SUPT3H: variants seen among roughly 807,000 people sequenced by gnomAD.
SUPT3H encodes SPT3 homolog, SAGA and STAGA complex component, also known as transcription initiation protein SPT3 homolog.
SUPT3H carries 44 observed loss-of-function variants against 44.3 expected under a neutral mutation model. That is an observed-to-expected ratio of 0.99 (90% CI 0.78 to 1.28). The LOEUF (loss-of-function observed/expected upper bound fraction) is 1.28, where lower values mean the gene tolerates loss of function less well. Ranked by LOEUF, SUPT3H falls within the 50% of genes most tolerant of loss-of-function variation. The pLI is 0.00. For missense variants in SUPT3H, 380 were observed against 387.1 expected, an observed-to-expected ratio of 0.98 and a Z score of 0.15; for synonymous variants, 124 against 125.6, an observed-to-expected ratio of 0.99 and a Z score of 0.09.
chr6:45,255,611 T>G (rs1247137731), intron 2 of SUPT3H, among the ~76,000 whole-genome samples: 1 of 151,814 alleles, frequency 6.6e-6, no homozygotes, highest in East Asian at 1.9e-4. Context: ...TTTGTAGAAA[T>G]GGGGTCTCAC....
chr6:44,975,852 T>G (rs1333692224), intron 6 of SUPT3H, among the ~76,000 whole-genome samples: 1 of 151,658 alleles, frequency 6.6e-6, no homozygotes, highest in Non-Finnish European at 1.5e-5. Flanking sequence ...AAAGAAAATA[T>G]GAAAAAAGCA....
chr6:45,032,878 A>G (rs1714247400), intron 3 of SUPT3H, among the ~76,000 whole-genome samples: 1 of 152,116 alleles, frequency 6.6e-6, no homozygotes, highest in Non-Finnish European at 1.5e-5. Flanking sequence ...ACTCTCCATT[A>G]ATGTGTGTTA....
intron 3 of SUPT3H, among the ~76,000 whole-genome samples, chr6:45,087,062 A>T (rs1173295039): frequency 1.3e-5 from 2 of 151,994 alleles, no homozygotes; most frequent in African/African-American, 4.8e-5. Flanking sequence ...AAATCAGATT[A>T]AGCTAATTAT....
chr6:45,164,416 C>G (rs1360393169), intron 2 of SUPT3H, among the ~76,000 whole-genome samples: 1 of 152,150 alleles, frequency 6.6e-6, no homozygotes, highest in Admixed American at 6.6e-5. Flanking sequence ...ATTCAGTCAT[C>G]ATGGTGACTT....
chr6:45,303,960 G>C (rs1406020266), intron 2 of SUPT3H, among the ~76,000 whole-genome samples: 1 of 150,068 alleles, frequency 6.7e-6, no homozygotes, highest in Non-Finnish European at 1.5e-5. Context: ...CTGGGCGACA[G>C]AGCAAGACTC....
At chr6:44,858,088 G>C (rs1279201622) in intron 10 of SUPT3H, among the ~76,000 whole-genome samples, 1 of 152,110 alleles carries the variant, frequency 6.6e-6, no homozygotes, top group African/African-American at 2.4e-5. Flanking sequence ...CCTCGCCCAA[G>C]TGCACTAAGT....
At chr6:45,342,737 G>A (rs1014075110) in intron 2 of SUPT3H, among the ~76,000 whole-genome samples, 1 of 147,848 alleles carries the variant, frequency 6.8e-6, no homozygotes, top group African/African-American at 2.5e-5. Context: ...TTAATAGTTT[G>A]CGTTAATGTT....
intron 2 of SUPT3H, among the ~76,000 whole-genome samples, chr6:45,288,766 T>G (rs1437145127): frequency 1.3e-5 from 2 of 151,728 alleles, no homozygotes; most frequent in Admixed American, 6.6e-5. Context: ...GACAAACCAT[T>G]ACCATTATAA....
chr6:44,853,380 G>A (rs2153422395), intron 10 of SUPT3H, among the ~76,000 whole-genome samples: 3 of 152,256 alleles, frequency 2.0e-5, no homozygotes, highest in Middle Eastern at 3.4e-3. Flanking sequence ...AATGCAAGTG[G>A]TGCATGAGGT....
intron 1 of SUPT3H, chr6:45,371,801 T>C: frequency 1.0e-6 from 1 of 981,188 alleles, no homozygotes; most frequent in Non-Finnish European, 1.2e-6. Flanking sequence ...TATATGCAAA[T>C]TGGTGGGAGG....
At chr6:44,993,818 A>T (rs1316454158) in intron 6 of SUPT3H, among the ~76,000 whole-genome samples, 3 of 152,096 alleles carry the variant, frequency 2.0e-5, no homozygotes, top group Non-Finnish European at 4.4e-5. Context: ...AAACATAACA[A>T]TGAGTTATCC....
chr6:44,823,972 A>T (rs1403268780), downstream of SUPT3H, among the ~76,000 whole-genome samples: 1 of 152,120 alleles, frequency 6.6e-6, no homozygotes, highest in African/African-American at 2.4e-5. Flanking sequence ...TCAAAAACAC[A>T]AAAAACAAAA....
At chr6:45,161,573 T>C (rs1375989467) in intron 2 of SUPT3H, among the ~76,000 whole-genome samples, 1 of 152,136 alleles carries the variant, frequency 6.6e-6, no homozygotes, top group Non-Finnish European at 1.5e-5. Context: ...GGAAGTACCA[T>C]TACTGCTAAA....
intron 10 of SUPT3H, among the ~76,000 whole-genome samples, chr6:44,893,349 C>G (rs1023048263): frequency 7.9e-5 from 12 of 152,120 alleles, no homozygotes; most frequent in African/African-American, 2.2e-4. Context: ...CTAGCATTAG[C>G]TATATCTCCC....
Position 44,829,743 on chromosome 6 carries a change from A to G in SUPT3H, c.*73T>C. 2.0e-6 allele frequency: 3 copies of G among 1,537,326 alleles called. No homozygotes were observed. Among genetic ancestry groups the G allele is most frequent in the Non-Finnish European group, 1.8e-6 (2 of 1,120,150 alleles). ...TAAAAGAAAGGTAAATTTGTATTTT[A>G]TTTTGTTCACAAGAAATCACCTTAA... On this transcript the variant is annotated 3_prime_UTR_variant, in exon 11 of 11. Transcript: ENST00000371459.
intron 4 of SUPT3H, among the ~76,000 whole-genome samples, chr6:45,018,020 C>T (rs949141733): frequency 6.6e-6 from 1 of 151,756 alleles, no homozygotes; most frequent in Non-Finnish European, 1.5e-5. Context: ...CTTTTATTTC[C>T]TTGAGCAATG....
chr6:45,363,913 T>C (rs1019843389), intron 2 of SUPT3H, among the ~76,000 whole-genome samples: 7 of 151,846 alleles, frequency 4.6e-5, no homozygotes, highest in Non-Finnish European at 1.0e-4. Flanking sequence ...TTTTAAATTC[T>C]AAGTAATTCT....
At chr6:45,374,719 A>C (rs1796532787) in intron 1 of SUPT3H, among the ~76,000 whole-genome samples, 1 of 152,210 alleles carries the variant, frequency 6.6e-6, no homozygotes, top group Non-Finnish European at 1.5e-5. Flanking sequence ...ACTGACATAG[A>C]CTACCATGCA....
intron 10 of SUPT3H, among the ~76,000 whole-genome samples, chr6:44,887,882 A>G (rs1244720071): frequency 6.6e-6 from 1 of 152,114 alleles, no homozygotes; most frequent in Non-Finnish European, 1.5e-5. Flanking sequence ...CAAGACTAAT[A>G]AAGAAGAAAA....
Sources: gnomAD v4.1 joint callset for allele counts (sites outside exome capture counted in the v4.1 genomes callset) on GRCh38, gnomAD v4.1.1 for gene constraint, MANE v1.5 for transcripts, NCBI Gene and HGNC (gene_info 2026-07-23, HGNC 2026-07-21) for gene names.